Variants in OPTN observed in about 807,000 individuals in gnomAD.
OPTN encodes the protein optineurin.
OPTN carries 54 observed loss-of-function variants against 70.4 expected under a neutral mutation model. The observed-to-expected ratio is 0.77, with a 90% CI of 0.62 to 0.96. OPTN has a LOEUF of 0.96. Among genes scored for constraint, OPTN ranks in the 40% least tolerant of loss-of-function variants. The pLI, the probability that OPTN is intolerant of heterozygous loss-of-function variation, is 0.00. For synonymous variants in OPTN, 256 were observed against 248.5 expected (o/e 1.03, Z -0.28); for missense variants, 624 against 673.2 (o/e 0.93, Z 0.81).
At position 13,110,425 on chromosome 10, in the gene OPTN, A is replaced by G. The variant is rs775000021; in HGVS notation, c.318A>G (p.Lys106=). The part of the protein sequence containing the change: ...RLMALSHENE[K]LKEELGKLKG... Reference sequence around the variant, plus strand: ...TGGCCTTGAGTCATGAGAATGAGAAATTGAAGGAAGAGCTTGGAAAACTAA... The same window carrying G: ...TGGCCTTGAGTCATGAGAATGAGAAGTTGAAGGAAGAGCTTGGAAAACTAA... The change falls in exon 4 of 15, where the codon AAA becomes AAG. Residue 106 remains lysine (K), a synonymous_variant. Coordinates refer to ENST00000378747, the MANE Select transcript of OPTN (RefSeq NM_001008212.2). The G allele has an allele frequency of 5.0e-6, 8 of 1,614,162 alleles. No individual in the cohort carries two copies. The highest frequency in any genetic ancestry group is 6.8e-6 in the Non-Finnish European group (8 of 1,180,012).
intron 1 of OPTN, among the ~76,000 whole-genome samples, chr10:13,105,430 A>T (rs1466730218): frequency 1.3e-5 from 2 of 152,230 alleles, no homozygotes; most frequent in Non-Finnish European, 2.9e-5. Context: ...GTGACTTCCC[A>T]AGGCCACACA....
rs72779566 is a variant in OPTN, at chr10:13,117,952, G to T, written c.627-936G>T. Among the ~76,000 whole-genome samples, 831 of 152,202 alleles carry T rather than the reference G, an allele frequency of 5.5e-3. 1 individual carries two copies. Among genetic ancestry groups the T allele is most frequent in the Non-Finnish European group, 8.4e-3 (568 of 68,004 alleles). On this transcript the variant is annotated intron_variant, in intron 6 of 14. Coordinates refer to ENST00000378747, the MANE Select transcript of OPTN (RefSeq NM_001008212.2). ...CCTTTTTTGGTTAACAATTCTTCAC[G>T]TTTCCCCCAAATTGCTTTTGTCATA...
intron 14 of OPTN, among the ~76,000 whole-genome samples, chr10:13,135,688 T>C (rs1280124860): frequency 6.6e-6 from 1 of 152,132 alleles, no homozygotes; most frequent in Non-Finnish European, 1.5e-5. Context: ...AATGAGATGA[T>C]TGCCTCTGCT....
At chr10:13,108,969 C>A (rs889769965) in intron 2 of OPTN, 143 bp from the exon 3 acceptor site, 97 of 787,384 alleles carry the variant, frequency 1.2e-4, no homozygotes, top group Non-Finnish European at 7.8e-5. Flanking sequence ...AAGGAAGAAT[C>A]AAAAATGTCC....
chr10:13,127,022 T>TA (rs1337746539), intron 11 of OPTN, among the ~76,000 whole-genome samples: 1 of 152,096 alleles, frequency 6.6e-6, no homozygotes, highest in Non-Finnish European at 1.5e-5. Flanking sequence ...AACCTGTCTC[T>TA]AAAAAAAGAA....
At chr10:13,116,239 T>C in intron 5 of OPTN, 28 bp from the exon 6 acceptor site, 6 of 1,421,340 alleles carry the variant, frequency 4.2e-6, no homozygotes, top group Non-Finnish European at 5.0e-6. Flanking sequence ...CATATTGTGT[T>C]AAATCCCTTG....
intron 1 of OPTN, among the ~76,000 whole-genome samples, chr10:13,104,254 CTTTTTTTTTTTTT>C (rs60982439): frequency 1.0e-5 from 1 of 97,840 alleles, no homozygotes; most frequent in African/African-American, 4.0e-5. Flanking sequence ...GTTTTTTTTT[CTTTTTTTTTTTTT>C]TTTTTTTTGT....
At chr10:13,105,808 T>G (rs532144) in intron 1 of OPTN, among the ~76,000 whole-genome samples, 1 of 151,930 alleles carries the variant, frequency 6.6e-6, no homozygotes, top group East Asian at 1.9e-4. Context: ...ACTTGGGAGG[T>G]TGAGGCAGGA....
chr10:13,109,916 A>C (rs1318463949), intron 3 of OPTN, among the ~76,000 whole-genome samples: 1 of 38,332 alleles, frequency 2.6e-5, no homozygotes, highest in African/African-American at 9.1e-5. Flanking sequence ...TTATTAAGAG[A>C]AAGCATCCTG....
chr10:13,130,424 CAAAAAAAAAA>C (rs1178080754), intron 12 of OPTN, among the ~76,000 whole-genome samples: 3 of 51,754 alleles, frequency 5.8e-5, no homozygotes, highest in African/African-American at 1.6e-4. Context: ...GACTCTATCT[CAAAAAAAAAA>C]AAAAAAAAAA....
Position 13,116,264 on chromosome 10 carries a change from C to T in OPTN, c.553-3C>T, listed in dbSNP as rs749606040. ...TAAATCCCTTGCATTTCTGTTTTCACAGGAAGGAGAAGCAGAAGGGTCAGT... is the reference window on the plus strand; with the variant it reads ...TAAATCCCTTGCATTTCTGTTTTCATAGGAAGGAGAAGCAGAAGGGTCAGT... On this transcript the variant is annotated splice_region_variant and splice_polypyrimidine_tract_variant and intron_variant, in intron 5 of 14. Transcript: ENST00000378747. 2 of 1,597,502 alleles carry T rather than the reference C, an allele frequency of 1.3e-6. No homozygotes were observed. The highest frequency in any genetic ancestry group is 2.2e-5 in the South Asian group (2 of 90,710).
intron 14 of OPTN, among the ~76,000 whole-genome samples, chr10:13,135,612 G>T (rs570199335): frequency 6.6e-6 from 1 of 151,634 alleles, no homozygotes; most frequent in East Asian, 1.9e-4. Flanking sequence ...TCTCCACCAC[G>T]TCTGTCTCCC....
chr10:13,109,831 A>G (rs918631218), intron 3 of OPTN, among the ~76,000 whole-genome samples: 27 of 47,492 alleles, frequency 5.7e-4, no homozygotes, highest in Non-Finnish European at 1.0e-3. Flanking sequence ...AGAGACCCTG[A>G]CTCAAAAAAA....
chr10:13,112,344 A>G (rs1588436343), intron 4 of OPTN, 109 bp from the exon 5 acceptor site: 1 of 1,055,154 alleles, frequency 9.5e-7, no homozygotes, highest in Non-Finnish European at 1.4e-6. Flanking sequence ...CCTGGCCTCA[A>G]GGGATCCTCC....
intron 1 of OPTN, among the ~76,000 whole-genome samples, chr10:13,102,480 C>G (rs999429090): frequency 5.9e-5 from 9 of 152,210 alleles, no homozygotes; most frequent in African/African-American, 2.2e-4. Context: ...AGATATTTAC[C>G]GAGTCCTGCC....
At position 13,131,927 on chromosome 10, in the gene OPTN, T is replaced by C. The variant is rs1833600466; in HGVS notation, c.1402-140T>C. ...TGTACCTGGAAAGTCATGGTCATTA[T>C]ACTGTTTTCTAGCAGGATTGTGCAT... On this transcript the variant is annotated intron_variant, in intron 12 of 14. Coordinates refer to ENST00000378747, the MANE Select transcript of OPTN (RefSeq NM_001008212.2). 7.7e-6 allele frequency: 6 copies of C among 776,564 alleles called. 1 individual carries two copies. The Admixed American group carries it at 1.3e-4, about 16-fold the overall frequency. The allele number at this position is 776,564 out of a possible 1,614,324, so 48.1% of individuals were successfully genotyped here.
intron 13 of OPTN, 105 bp downstream of exon 13, chr10:13,132,302 C>T (rs917494431): frequency 4.8e-6 from 6 of 1,248,348 alleles, no homozygotes; most frequent in East Asian, 2.5e-5. Context: ...TAGCTGTGTT[C>T]GCGCCACTGC....
intron 5 of OPTN, among the ~76,000 whole-genome samples, chr10:13,115,911 G>A (rs1833197020): frequency 6.6e-6 from 1 of 151,966 alleles, no homozygotes; most frequent in South Asian, 2.1e-4. Flanking sequence ...AGGATATGTG[G>A]AGTTGTCACC....
chr10:13,133,217 T>C (rs1448696743), intron 13 of OPTN, among the ~76,000 whole-genome samples: 1 of 152,230 alleles, frequency 6.6e-6, no homozygotes, highest in African/African-American at 2.4e-5. Flanking sequence ...TGTAATTTAT[T>C]ATACTTCATT....
Sources: gnomAD v4.1 joint callset for allele counts (sites outside exome capture counted in the v4.1 genomes callset) on GRCh38, gnomAD v4.1.1 for gene constraint, MANE v1.5 for transcripts, NCBI Gene and HGNC (gene_info 2026-07-23, HGNC 2026-07-21) for gene names.